ANKRD30B: variants seen among roughly 807,000 people sequenced by gnomAD.
ANKRD30B encodes the protein ankyrin repeat domain 30B, also known as ankyrin repeat domain-containing protein 30B.
A neutral mutation model predicts 202.2 loss-of-function variants in ANKRD30B; 144 were observed. That is an observed-to-expected ratio of 0.71 (90% CI 0.62 to 0.82). ANKRD30B has a LOEUF of 0.82. Among genes scored for constraint, ANKRD30B ranks in the 40% least tolerant of loss-of-function variants. The pLI is 0.00. For synonymous variants in ANKRD30B, 508 were observed against 561.3 expected, an observed-to-expected ratio of 0.91 and a Z score of 1.34; for missense variants, 1,487 against 1,669.1, an observed-to-expected ratio of 0.89 and a Z score of 1.90.
the ANKRD30B span, among the ~76,000 whole-genome samples, chr18:14,911,895 T>C: frequency 5.3e-5 from 8 of 152,210 alleles, no homozygotes; most frequent in African/African-American, 1.7e-4. Flanking sequence ...GTAAATGGGA[T>C]TGCCTTCTCA....
At chr18:14,870,968 C>T in the ANKRD30B span, among the ~76,000 whole-genome samples, 78 of 150,354 alleles carry the variant, frequency 5.2e-4, no homozygotes, top group Non-Finnish European at 1.8e-4. Flanking sequence ...CAGGCACTCA[C>T]ACCCTAACCC....
chr18:14,769,379 A>T lies in ANKRD30B; in HGVS notation c.1256+6A>T. On this transcript the variant is annotated splice_donor_region_variant and intron_variant, in intron 8 of 43. Transcript: ENST00000690538. ...TCTGTAGAGCCTATATTCAGGTAAG[A>T]CTTTGCGGTTTTTTAAAACGAATAG... The T allele has an allele frequency of 1.9e-6, 3 of 1,544,624 alleles. No homozygotes were observed. The highest frequency in any genetic ancestry group is 2.6e-6 in the Non-Finnish European group (3 of 1,143,696).
At chr18:14,764,665 G>A (rs116087698) in intron 7 of ANKRD30B, among the ~76,000 whole-genome samples, 1,706 of 152,248 alleles carry the variant, frequency 0.011, 19 homozygotes, top group African/African-American at 0.039. Flanking sequence ...TGGGAATTCA[G>A]GTGTGAGCTA....
chr18:14,800,751 A>T (rs1379070281), intron 22 of ANKRD30B, among the ~76,000 whole-genome samples: 1 of 96,716 alleles, frequency 1.0e-5, no homozygotes, highest in Non-Finnish European at 2.1e-5. Flanking sequence ...TTTAATACAT[A>T]AAATTTTTTT....
the ANKRD30B span, among the ~76,000 whole-genome samples, chr18:14,864,767 A>G: frequency 6.7e-6 from 1 of 148,702 alleles, no homozygotes; most frequent in Non-Finnish European, 1.5e-5. Flanking sequence ...TTCCCCTTCC[A>G]TCTACCCAAA....
At chr18:14,931,944 C>G in the ANKRD30B span, among the ~76,000 whole-genome samples, 3 of 136,638 alleles carry the variant, frequency 2.2e-5, no homozygotes, top group Admixed American at 7.2e-5. Context: ...GGGCCCCCCA[C>G]CCCACCTCCC....
chr18:14,840,358 T>C (rs1467498517), intron 36 of ANKRD30B, among the ~76,000 whole-genome samples: 3 of 152,030 alleles, frequency 2.0e-5, no homozygotes, highest in African/African-American at 7.2e-5. Context: ...GCCAACATGG[T>C]GAAACCCTGT....
chr18:14,834,401 G>T (rs553293420), intron 34 of ANKRD30B, among the ~76,000 whole-genome samples: 1 of 152,122 alleles, frequency 6.6e-6, no homozygotes, highest in African/African-American at 2.4e-5. Flanking sequence ...AGAAGGGTAA[G>T]ATAAACACAG....
chr18:14,888,392 T>A, the ANKRD30B span, among the ~76,000 whole-genome samples: 2 of 152,034 alleles, frequency 1.3e-5, no homozygotes, highest in African/African-American at 2.4e-5. Context: ...GGTAATCAAA[T>A]GTAACATACT....
At chr18:14,807,829 G>C (rs1280591402) in intron 24 of ANKRD30B, among the ~76,000 whole-genome samples, 1 of 150,958 alleles carries the variant, frequency 6.6e-6, no homozygotes, top group Non-Finnish European at 1.5e-5. Flanking sequence ...ACGGCACCTG[G>C]ACTGTATTAG....
the ANKRD30B span, among the ~76,000 whole-genome samples, chr18:14,914,034 C>T: frequency 2.0e-5 from 3 of 152,182 alleles, no homozygotes; most frequent in Admixed American, 6.5e-5. Context: ...GTGTCAGAGA[C>T]GGGAGTTGAG....
At chr18:14,896,260 T>G in the ANKRD30B span, among the ~76,000 whole-genome samples, 2 of 151,890 alleles carry the variant, frequency 1.3e-5, no homozygotes, top group Non-Finnish European at 2.9e-5. Context: ...GCCTCCCGAA[T>G]AGCTGGGACT....
At chr18:14,778,109 A>G (rs780776981) in intron 10 of ANKRD30B, 34 bp downstream of exon 10, 31 of 1,399,406 alleles carry the variant, frequency 2.2e-5, no homozygotes, top group Non-Finnish European at 2.8e-5. Flanking sequence ...ACATCTTTTG[A>G]CCAAATGTTT....
chr18:14,780,871 GT>G (rs1967688218), intron 11 of ANKRD30B, among the ~76,000 whole-genome samples: 1 of 150,306 alleles, frequency 6.7e-6, no homozygotes, highest in African/African-American at 2.4e-5. Context: ...TTTGAGTAGT[GT>G]TTTAAAAAGT....
At chr18:14,910,793 T>A in the ANKRD30B span, among the ~76,000 whole-genome samples, 1 of 152,144 alleles carries the variant, frequency 6.6e-6, no homozygotes, top group African/African-American at 2.4e-5. Context: ...ACATCTATTG[T>A]TTTTAGGCTT....
chr18:14,795,205 T>A lies in ANKRD30B; in HGVS notation c.1826-1016T>A, dbSNP rs574222447. On this transcript the variant is annotated intron_variant, in intron 16 of 43. Transcript: ENST00000690538. ...TTGATACTTTCATATCAGGTGTTTT[T>A]TCTTTTGTTGAGACAGAGTCTCGCT... Among the ~76,000 whole-genome samples the A allele has an allele frequency of 6.6e-5, 10 of 152,346 alleles. No homozygotes were observed. The South Asian group carries it at 2.1e-3, about 32-fold the overall frequency.
At chr18:14,853,012 C>T (rs1302406882) in intron 42 of ANKRD30B, among the ~76,000 whole-genome samples, 1 of 152,110 alleles carries the variant, frequency 6.6e-6, no homozygotes, top group Non-Finnish European at 1.5e-5. Context: ...GTTAAAACCT[C>T]TCAATTTTTT....
At chr18:14,769,503 T>C (rs1598591797) in intron 8 of ANKRD30B, 130 bp downstream of exon 8, 3 of 659,204 alleles carry the variant, frequency 4.6e-6, no homozygotes, top group East Asian at 3.1e-5. Flanking sequence ...TCATCTCACA[T>C]AGTCATCACA....
chr18:14,768,399 G>A (rs1023476559), intron 7 of ANKRD30B, among the ~76,000 whole-genome samples: 6 of 152,084 alleles, frequency 3.9e-5, no homozygotes, highest in Non-Finnish European at 5.9e-5. Context: ...ACTCTAGTAC[G>A]TTAATCAAAC....
Sources: allele counts gnomAD v4.1 joint callset (sites outside exome capture counted in the v4.1 genomes callset), GRCh38; gene constraint gnomAD v4.1.1; transcripts MANE v1.5; gene names NCBI Gene and HGNC (gene_info 2026-07-23, HGNC 2026-07-21).